CACNA2D3: variants seen among roughly 807,000 people sequenced by gnomAD.
The protein encoded by CACNA2D3 is calcium voltage-gated channel auxiliary subunit alpha2delta 3.
In CACNA2D3, 60 loss-of-function variants were observed where a neutral mutation model predicts 160.6. The ratio of observed to expected loss-of-function variants is 0.37; its 90% CI spans 0.30 to 0.46. The LOEUF (loss-of-function observed/expected upper bound fraction) is 0.46. CACNA2D3 is among the 20% of genes least tolerant of loss of function. The pLI is 1.00. For missense variants in CACNA2D3, 1,205 were observed against 1,365.0 expected (o/e 0.88, Z 1.85); for synonymous variants, 558 against 492.9 (o/e 1.13, Z -1.75).
chr3:54,993,176 T>G (rs1702779495), intron 31 of CACNA2D3, among the ~76,000 whole-genome samples: 1 of 152,318 alleles, frequency 6.6e-6, no homozygotes, highest in South Asian at 2.1e-4. Flanking sequence ...CAAACCATAT[T>G]AGCACTTTAC....
intron 2 of CACNA2D3, among the ~76,000 whole-genome samples, chr3:54,125,895 AAGTC>A (rs1699581781): frequency 6.6e-6 from 1 of 152,204 alleles, no homozygotes; most frequent in African/African-American, 2.4e-5. Flanking sequence ...TTACTCCTCT[AAGTC>A]AGAGCTCTGT....
chr3:54,944,812 GGGGTGT>G lies in CACNA2D3; in HGVS notation c.2450-23636_2450-23631del, dbSNP rs756992914. Among the ~76,000 whole-genome samples, 1,087 of 146,274 alleles carry G rather than the reference GGGGTGT, an allele frequency of 7.4e-3. 15 individuals are homozygous for G. The highest frequency in any genetic ancestry group is 0.025 in the African/African-American group (933 of 37,332). On this transcript the variant is annotated intron_variant, in intron 27 of 37. Transcript: ENST00000474759. ...AATATATTGACTGTAGTTAGAGCTG[GGGGTGT>G]GTGTGTGTGTGTGTGTGTGTGTGTT...
intron 2 of CACNA2D3, among the ~76,000 whole-genome samples, chr3:54,312,867 C>T (rs1404882332): frequency 2.0e-5 from 3 of 152,194 alleles, no homozygotes; most frequent in African/African-American, 4.8e-5. Flanking sequence ...GCTAAATCCA[C>T]AGGCTGCCTT....
At chr3:54,635,927 A>G (rs577523811) in intron 10 of CACNA2D3, among the ~76,000 whole-genome samples, 133 of 152,142 alleles carry the variant, frequency 8.7e-4, no homozygotes, top group Middle Eastern at 3.4e-3. Flanking sequence ...GCCTTTACTT[A>G]TTCAGTGAAA....
At chr3:54,865,344 A>T (rs1699375986) in intron 17 of CACNA2D3, among the ~76,000 whole-genome samples, 1 of 152,238 alleles carries the variant, frequency 6.6e-6, no homozygotes, top group Non-Finnish European at 1.5e-5. Context: ...GGGGGAAAGT[A>T]AGGAAACACC....
chr3:54,204,254 C>T (rs1284797596), intron 2 of CACNA2D3, among the ~76,000 whole-genome samples: 1 of 151,978 alleles, frequency 6.6e-6, no homozygotes, highest in Non-Finnish European at 1.5e-5. Context: ...TGAGCCAATT[C>T]CTCATAATAA....
intron 6 of CACNA2D3, among the ~76,000 whole-genome samples, chr3:54,566,669 A>C (rs551547317): frequency 1.3e-5 from 2 of 152,334 alleles, no homozygotes; most frequent in African/African-American, 4.8e-5. Flanking sequence ...GATTATAAGA[A>C]GCCCTGGTCC....
At chr3:54,953,711 C>T (rs968126801) in intron 27 of CACNA2D3, among the ~76,000 whole-genome samples, 1 of 152,214 alleles carries the variant, frequency 6.6e-6, no homozygotes, top group African/African-American at 2.4e-5. Flanking sequence ...TCCCCCTTGC[C>T]TGTGAACGCT....
intron 2 of CACNA2D3, among the ~76,000 whole-genome samples, chr3:54,223,567 T>G (rs4927993): frequency 0.088 from 13,408 of 152,086 alleles, 822 homozygotes; most frequent in East Asian, 0.3. Context: ...TACAAAATTA[T>G]TTTTTGGCCG....
chr3:54,650,081 A>G lies in CACNA2D3; in HGVS notation c.1167+7840A>G, dbSNP rs191236251. Among the ~76,000 whole-genome samples the G allele has an allele frequency of 9.2e-5, 14 of 152,334 alleles. No individual in the cohort carries two copies. The East Asian group carries it at 2.7e-3, about 29-fold the overall frequency. Reference sequence around the variant, plus strand: ...TTGTGTTTTGAGCCACAGAAGCAGTACTAGAATGTTCTACTTCGTCTTCAT... The same window carrying G: ...TTGTGTTTTGAGCCACAGAAGCAGTGCTAGAATGTTCTACTTCGTCTTCAT... On this transcript the variant is annotated intron_variant, in intron 11 of 37. Transcript: ENST00000474759.
chr3:54,933,601 G>A (rs552356788), intron 27 of CACNA2D3, among the ~76,000 whole-genome samples: 2 of 152,302 alleles, frequency 1.3e-5, no homozygotes, highest in East Asian at 3.9e-4. Context: ...GATCATAGCA[G>A]TTTCTGCCTC....
intron 17 of CACNA2D3, among the ~76,000 whole-genome samples, chr3:54,871,043 T>TACACAC (rs58370850): frequency 1.1e-3 from 163 of 143,036 alleles, no homozygotes; most frequent in African/African-American, 3.4e-3. Flanking sequence ...AGCTTTGGGA[T>TACACAC]ACACACACAC....
At chr3:54,586,093 T>C (rs1702755750) in intron 9 of CACNA2D3, among the ~76,000 whole-genome samples, 1 of 151,900 alleles carries the variant, frequency 6.6e-6, no homozygotes, top group Admixed American at 6.6e-5. Flanking sequence ...TGAAATCCCG[T>C]CTCTACTAAA....
At chr3:54,560,848 CTTGT>C (rs1266489863) in intron 5 of CACNA2D3, among the ~76,000 whole-genome samples, 3 of 152,160 alleles carry the variant, frequency 2.0e-5, no homozygotes, top group Admixed American at 2.0e-4. Context: ...TTCCCCATTG[CTTGT>C]TTTTGTCAGG....
intron 3 of CACNA2D3, among the ~76,000 whole-genome samples, chr3:54,368,680 T>TG (rs1172665128): frequency 1.4e-5 from 2 of 138,960 alleles, no homozygotes; most frequent in East Asian, 4.4e-4. Context: ...AGGTAATATT[T>TG]GGGGGTAGGG....
chr3:54,942,075 A>G (rs1196446566), intron 27 of CACNA2D3, among the ~76,000 whole-genome samples: 3 of 152,224 alleles, frequency 2.0e-5, no homozygotes, highest in East Asian at 1.9e-4. Flanking sequence ...AGGAACTTCA[A>G]ATAGGGTTTA....
intron 11 of CACNA2D3, among the ~76,000 whole-genome samples, chr3:54,650,524 C>G (rs1216075114): frequency 6.6e-6 from 1 of 152,152 alleles, no homozygotes; most frequent in East Asian, 1.9e-4. Flanking sequence ...CCACCACACC[C>G]AGCTAATTTT....
chr3:54,157,136 C>T (rs62251044), intron 2 of CACNA2D3, among the ~76,000 whole-genome samples: 9,836 of 152,206 alleles, frequency 0.065, 370 homozygotes, highest in Non-Finnish European at 0.077. Flanking sequence ...TGCAGACAGC[C>T]ACCTTTTTGT....
At chr3:54,653,800 G>A (rs1188973652) in intron 11 of CACNA2D3, among the ~76,000 whole-genome samples, 1 of 152,178 alleles carries the variant, frequency 6.6e-6, no homozygotes, top group African/African-American at 2.4e-5. Flanking sequence ...CCTGGGTGTG[G>A]CACTGGGGCC....
Sources: allele counts gnomAD v4.1 joint callset (sites outside exome capture counted in the v4.1 genomes callset), GRCh38; gene constraint gnomAD v4.1.1; transcripts MANE v1.5; gene names NCBI Gene and HGNC (gene_info 2026-07-23, HGNC 2026-07-21).